MACROD2: variants seen among roughly 807,000 people sequenced by gnomAD.
The protein encoded by MACROD2 is ADP-ribose glycohydrolase MACROD2.
MACROD2 carries 36 observed loss-of-function variants against 70.4 expected under a neutral mutation model. The ratio of observed to expected loss-of-function variants is 0.51; its 90% CI spans 0.39 to 0.68. MACROD2 has a LOEUF of 0.68. Ranked by LOEUF, MACROD2 falls within the 30% of genes least tolerant of loss-of-function variation. MACROD2 has a pLI of 0.00. For missense variants in MACROD2, 496 were observed against 538.4 expected (o/e 0.92, Z 0.78); for synonymous variants, 172 against 178.8 (o/e 0.96, Z 0.30).
chr20:15,671,687 T>C (rs1026685480), intron 8 of MACROD2, among the ~76,000 whole-genome samples: 32 of 152,314 alleles, frequency 2.1e-4, no homozygotes, highest in Admixed American at 1.9e-3. Context: ...TAATATGAGA[T>C]GGAATCATGG....
At chr20:15,540,817 C>G in intron 8 of MACROD2, among the ~76,000 whole-genome samples, 1 of 152,142 alleles carries the variant, frequency 6.6e-6, no homozygotes, top group East Asian at 1.9e-4. Flanking sequence ...CATATCCCTT[C>G]GTTCTAGAAG....
At chr20:15,348,970 A>G (rs1186061946) in intron 6 of MACROD2, among the ~76,000 whole-genome samples, 2 of 152,220 alleles carry the variant, frequency 1.3e-5, no homozygotes, top group African/African-American at 4.8e-5. Context: ...TTTAAAATAC[A>G]GAGAAAAAAA....
At chr20:15,253,217 G>A (rs1352604823) in intron 6 of MACROD2, among the ~76,000 whole-genome samples, 2 of 152,162 alleles carry the variant, frequency 1.3e-5, no homozygotes, top group Admixed American at 6.5e-5. Flanking sequence ...TACCACTGCT[G>A]TAGGACCACC....
At chr20:14,664,000 G>A (rs937222848) in intron 4 of MACROD2, among the ~76,000 whole-genome samples, 6 of 151,980 alleles carry the variant, frequency 3.9e-5, no homozygotes, top group South Asian at 2.1e-4. Context: ...GTTCTAGAAC[G>A]TATATTACAA....
At chr20:15,458,874 A>G (rs2046770383) in intron 7 of MACROD2, among the ~76,000 whole-genome samples, 1 of 152,084 alleles carries the variant, frequency 6.6e-6, no homozygotes, top group Non-Finnish European at 1.5e-5. Flanking sequence ...TGGCCTTTAT[A>G]ATTTTAACCC....
chr20:15,185,077 C>T (rs1452348862), intron 5 of MACROD2, among the ~76,000 whole-genome samples: 2 of 152,122 alleles, frequency 1.3e-5, no homozygotes, highest in African/African-American at 4.8e-5. Flanking sequence ...ATTGCATGCA[C>T]ATCTTGTCTT....
intron 3 of MACROD2, among the ~76,000 whole-genome samples, chr20:14,240,857 G>A (rs994672052): frequency 2.0e-5 from 3 of 152,298 alleles, no homozygotes; most frequent in East Asian, 1.9e-4. Context: ...TTGGCTGGGC[G>A]TGGCGGCTCT....
rs1477470353 is a variant in MACROD2, at chr20:15,268,026, TGAG to T, written c.540+37969_540+37971del. 2.0e-5 allele frequency among the ~76,000 whole-genome samples: 3 copies of T among 152,214 alleles called. No homozygotes were observed. The East Asian group carries it at 5.8e-4, about 29-fold the overall frequency. ...ACAAGAACCCAGTTTTTAGCTGAACTGAGGAGAAAGTCCTAACAACATCAGTAG... is the reference window on the plus strand; with the variant it reads ...ACAAGAACCCAGTTTTTAGCTGAACTGAGAAAGTCCTAACAACATCAGTAG... On this transcript the variant is annotated intron_variant, in intron 6 of 17. Coordinates refer to ENST00000684519, the MANE Select transcript of MACROD2 (RefSeq NM_001351661.2).
chr20:15,154,131 T>A (rs2076290664), intron 5 of MACROD2, among the ~76,000 whole-genome samples: 1 of 152,192 alleles, frequency 6.6e-6, no homozygotes, highest in Non-Finnish European at 1.5e-5. Context: ...TGCTTTCCAC[T>A]GGTGAGTTCA....
At chr20:14,686,358 C>A (rs1159065898) in intron 5 of MACROD2, among the ~76,000 whole-genome samples, 1 of 152,010 alleles carries the variant, frequency 6.6e-6, no homozygotes, top group East Asian at 1.9e-4. Flanking sequence ...TGATATTATA[C>A]AATATTTTAA....
At chr20:14,058,478 G>A (rs919429143) in intron 2 of MACROD2, among the ~76,000 whole-genome samples, 2 of 150,618 alleles carry the variant, frequency 1.3e-5, no homozygotes, top group East Asian at 3.9e-4. Context: ...TTATATTTTG[G>A]TTTTGTTTTT....
At chr20:14,442,692 C>G (rs911305875) in intron 3 of MACROD2, among the ~76,000 whole-genome samples, 2 of 152,056 alleles carry the variant, frequency 1.3e-5, no homozygotes, top group African/African-American at 4.8e-5. Context: ...GAGAGCCATG[C>G]CCAAGCAGTC....
chr20:15,388,311 C>G (rs2045747745), intron 6 of MACROD2, among the ~76,000 whole-genome samples: 1 of 151,810 alleles, frequency 6.6e-6, no homozygotes, highest in Non-Finnish European at 1.5e-5. Flanking sequence ...TCAAAGACAC[C>G]AAGATGTTTT....
At chr20:15,822,303 A>G (rs868549053) in intron 8 of MACROD2, among the ~76,000 whole-genome samples, 3 of 152,326 alleles carry the variant, frequency 2.0e-5, no homozygotes, top group African/African-American at 4.8e-5. Context: ...ATGTTTTACA[A>G]TACTATATTA....
At chr20:14,438,881 C>T (rs971626746) in intron 3 of MACROD2, among the ~76,000 whole-genome samples, 15 of 152,152 alleles carry the variant, frequency 9.9e-5, no homozygotes, top group African/African-American at 3.4e-4. Flanking sequence ...TTTATTGTTT[C>T]CTTTGCTGTG....
At chr20:15,151,182 A>G (rs143122298) in intron 5 of MACROD2, among the ~76,000 whole-genome samples, 2,618 of 152,064 alleles carry the variant, frequency 0.017, 96 homozygotes, top group African/African-American at 0.06. Flanking sequence ...CTGCCAGGTG[A>G]GTTGGACAGT....
intron 5 of MACROD2, among the ~76,000 whole-genome samples, chr20:15,089,274 A>G (rs1311719328): frequency 6.6e-6 from 1 of 152,160 alleles, no homozygotes; most frequent in African/African-American, 2.4e-5. Flanking sequence ...TATAAACCTT[A>G]ACACTAATTA....
At position 14,284,973 on chromosome 20, in the gene MACROD2, A is replaced by G. The variant is rs180738046; in HGVS notation, c.271+199245A>G. Among the ~76,000 whole-genome samples, 1,378 of 152,336 alleles carry G rather than the reference A, an allele frequency of 9.0e-3. 18 individuals carry two copies. The highest frequency in any genetic ancestry group is 0.027 in the Middle Eastern group (8 of 294). On this transcript the variant is annotated intron_variant, in intron 3 of 17. Transcript: ENST00000684519. Reference sequence around the variant, plus strand: ...ATGGATTGATTGTAAAAACTCTGAAAAATGTAAATTCTTAGAAGTCATCAA... The same window carrying G: ...ATGGATTGATTGTAAAAACTCTGAAGAATGTAAATTCTTAGAAGTCATCAA...
chr20:15,733,153 A>G (rs775293550), intron 8 of MACROD2, among the ~76,000 whole-genome samples: 2 of 152,062 alleles, frequency 1.3e-5, no homozygotes, highest in Non-Finnish European at 2.9e-5. Flanking sequence ...AGAGTTTTTC[A>G]TAGTATTCTT....
Sources: gnomAD v4.1 joint callset for allele counts (sites outside exome capture counted in the v4.1 genomes callset) on GRCh38, gnomAD v4.1.1 for gene constraint, MANE v1.5 for transcripts, NCBI Gene and HGNC (gene_info 2026-07-23, HGNC 2026-07-21) for gene names.